The following PPP4R4 variants were observed in gnomAD, a reference collection of about 807,000 sequenced individuals.
PPP4R4 encodes the protein serine/threonine-protein phosphatase 4 regulatory subunit 4.
In PPP4R4, 70 loss-of-function variants were observed where a neutral mutation model predicts 121.8. The observed-to-expected ratio is 0.57, with a 90% CI of 0.47 to 0.70. The LOEUF (loss-of-function observed/expected upper bound fraction) is 0.70, where lower values mean the gene tolerates loss of function less well. Among genes scored for constraint, PPP4R4 ranks in the 30% least tolerant of loss-of-function variants. The probability of loss-of-function intolerance (pLI) is 0.00; values close to 1 mark genes in which losing one functional copy is unlikely to be tolerated. For synonymous variants in PPP4R4, 348 were observed against 355.7 expected, an observed-to-expected ratio of 0.98 and a Z score of 0.24; for missense variants, 875 against 1,033.6, an observed-to-expected ratio of 0.85 and a Z score of 2.10.
At chr14:94,248,238 C>G (rs1892995059) in intron 14 of PPP4R4, among the ~76,000 whole-genome samples, 1 of 152,066 alleles carries the variant, frequency 6.6e-6, no homozygotes, top group Admixed American at 6.5e-5. Flanking sequence ...AACCAGTGTA[C>G]AAAAATCAGT....
At chr14:94,204,023 C>CA (rs1890331928) in intron 2 of PPP4R4, among the ~76,000 whole-genome samples, 1 of 152,088 alleles carries the variant, frequency 6.6e-6, no homozygotes, top group Non-Finnish European at 1.5e-5. Context: ...TTTCACAATG[C>CA]AAAAGTTTTA....
Position 94,228,932 on chromosome 14 carries a change from G to A in PPP4R4, c.295-1655G>A, listed in dbSNP as rs1460448855. 2.0e-5 allele frequency among the ~76,000 whole-genome samples: 3 copies of A among 152,256 alleles called. No homozygotes were observed. In the East Asian group the frequency reaches 5.8e-4, roughly 29 times the overall value. On this transcript the variant is annotated intron_variant, in intron 3 of 24. Coordinates refer to ENST00000304338, the MANE Select transcript of PPP4R4 (RefSeq NM_058237.2). Reference sequence around the variant, plus strand: ...CTTTCAGCTCGAAGTAGGGTCATCAGGGAAGGCCTCATTGACAAGGTGGTA... The same window carrying A: ...CTTTCAGCTCGAAGTAGGGTCATCAAGGAAGGCCTCATTGACAAGGTGGTA...
chr14:94,236,399 A>T (rs1278954368), intron 7 of PPP4R4, among the ~76,000 whole-genome samples: 2 of 152,202 alleles, frequency 1.3e-5, no homozygotes, highest in Admixed American at 6.5e-5. Flanking sequence ...TTTATATGAA[A>T]TAAATTTTTA....
At chr14:94,216,798 A>G (rs1467850933) in intron 3 of PPP4R4, among the ~76,000 whole-genome samples, 1 of 152,172 alleles carries the variant, frequency 6.6e-6, no homozygotes, top group Non-Finnish European at 1.5e-5. Flanking sequence ...TGCTTCTGGA[A>G]GAGAGGTAGA....
chr14:94,189,039 A>G (rs1421269554), intron 2 of PPP4R4, among the ~76,000 whole-genome samples: 1 of 152,190 alleles, frequency 6.6e-6, no homozygotes, highest in Admixed American at 6.5e-5. Context: ...TTACCATAAG[A>G]GAAATCAGGG....
At chr14:94,258,254 C>T (rs1382693295) in intron 17 of PPP4R4, among the ~76,000 whole-genome samples, 4 of 152,066 alleles carry the variant, frequency 2.6e-5, no homozygotes, top group South Asian at 2.1e-4. Context: ...AGACAGAACC[C>T]TGGGTTAGAT....
intron 2 of PPP4R4, among the ~76,000 whole-genome samples, chr14:94,188,515 T>G (rs1277617762): frequency 1.3e-5 from 2 of 152,148 alleles, no homozygotes; most frequent in Non-Finnish European, 2.9e-5. Context: ...ATGGACCTAG[T>G]CTTTGGACAA....
At chr14:94,197,236 G>C (rs986908196) in intron 2 of PPP4R4, among the ~76,000 whole-genome samples, 1 of 152,118 alleles carries the variant, frequency 6.6e-6, no homozygotes, top group Non-Finnish European at 1.5e-5. Context: ...ATGGGGATAA[G>C]ACTGCTTGGT....
chr14:94,247,338 T>G (rs956580847), intron 14 of PPP4R4, among the ~76,000 whole-genome samples: 1 of 152,250 alleles, frequency 6.6e-6, no homozygotes, highest in Admixed American at 6.5e-5. Context: ...TAGTGCAAGC[T>G]GGGTGGGCCC....
intron 16 of PPP4R4, among the ~76,000 whole-genome samples, chr14:94,252,200 A>G (rs1893223386): frequency 6.6e-6 from 1 of 152,148 alleles, no homozygotes; most frequent in African/African-American, 2.4e-5. Flanking sequence ...AGATGTTATT[A>G]ATTTATCTAC....
chr14:94,278,590 T>A, intron 24 of PPP4R4, 29 bp from the exon 25 acceptor site: 1 of 1,492,704 alleles, frequency 6.7e-7, no homozygotes, highest in Non-Finnish European at 9.3e-7. Context: ...CCACCCTCCC[T>A]CTCTTCCTTC....
rs1210300982 is a variant in PPP4R4 at position 94,272,563 on chromosome 14, A to G, written c.2450-2811A>G. Among the ~76,000 whole-genome samples the G allele has an allele frequency of 2.7e-5, 4 of 149,866 alleles. No homozygotes were observed. In the East Asian group the frequency reaches 8.5e-4, roughly 32 times the overall value. On this transcript the variant is annotated intron_variant, in intron 23 of 24. Coordinates refer to ENST00000304338, the MANE Select transcript of PPP4R4 (RefSeq NM_058237.2). ...AACTATAAAATTCCTAGAAGTTAAC[A>G]TAGGAGAAAATCTAGATGACCCTGC...
At chr14:94,175,365 A>G (rs1888621818) in intron 1 of PPP4R4, 1 of 147,010 alleles carries the variant, frequency 6.8e-6, no homozygotes, top group Non-Finnish European at 1.5e-5. Flanking sequence ...CAGCTCCCCA[A>G]TCCCCTTGAG....
intron 11 of PPP4R4, among the ~76,000 whole-genome samples, chr14:94,243,704 C>T (rs988593082): frequency 6.6e-6 from 1 of 151,838 alleles, no homozygotes; most frequent in African/African-American, 2.4e-5. Flanking sequence ...TTTCCATATT[C>T]TACCACAATC....
chr14:94,230,699 A>C lies in PPP4R4; in HGVS notation c.407A>C (p.Gln136Pro). ...SIHAYTHSFL[Q>P]VILLHLEHRD... ...CATGCATATACCCACTCATTCCTCC[A>C]AGTCATTCTCCTGCATCTGGAGCAC... The change falls in exon 4 of 25, where the codon CAA becomes CCA. Residue 136 changes from glutamine (Q) to proline (P), a missense_variant. Transcript: ENST00000304338. 2 of 1,613,698 alleles carry C rather than the reference A, an allele frequency of 1.2e-6. No individual in the cohort carries two copies. Among genetic ancestry groups the C allele is most frequent in the East Asian group, 4.5e-5 (2 of 44,888 alleles).
At position 94,235,388 on chromosome 14, in the gene PPP4R4, C is replaced by CTTTTTTTTTTTTTT. The variant is rs34881107; in HGVS notation, c.731+735_731+748dup. Among the ~76,000 whole-genome samples, 14 of 50,806 alleles carry CTTTTTTTTTTTTTT rather than the reference C, an allele frequency of 2.8e-4. 1 individual carries two copies. Among genetic ancestry groups the CTTTTTTTTTTTTTT allele is most frequent in the African/African-American group, 1.2e-3 (13 of 10,872 alleles). 33.3% of individuals were successfully genotyped at this position (50,806 alleles called of 152,430 possible). A position where few individuals can be genotyped will look rare whatever the true frequency, so the allele number is the denominator to read the frequency against. On this transcript the variant is annotated intron_variant, in intron 7 of 24. Coordinates refer to ENST00000304338, the MANE Select transcript of PPP4R4 (RefSeq NM_058237.2). ...TGTTTGTTTTGTTGCTCTCCTTGTT[C>CTTTTTTTTTTTTTT]TTTTTTTTTTTTTTTTTTTTTTTTT...
chr14:94,223,431 C>A (rs1003859214), intron 3 of PPP4R4, among the ~76,000 whole-genome samples: 6 of 152,284 alleles, frequency 3.9e-5, no homozygotes, highest in African/African-American at 1.4e-4. Context: ...TCCTCCCCTG[C>A]AAAGGACAGT....
At chr14:94,250,986 T>C (rs1327848591) in intron 15 of PPP4R4, among the ~76,000 whole-genome samples, 1 of 152,002 alleles carries the variant, frequency 6.6e-6, no homozygotes, top group Non-Finnish European at 1.5e-5. Context: ...TTTCAAAAAA[T>C]TAGAGTACTT....
chr14:94,222,124 C>T (rs1361716581), intron 3 of PPP4R4, among the ~76,000 whole-genome samples: 1 of 151,954 alleles, frequency 6.6e-6, no homozygotes, highest in African/African-American at 2.4e-5. Flanking sequence ...TCCAATCTCA[C>T]ACTGTATTTT....
Sources: gnomAD v4.1 joint callset for allele counts (sites outside exome capture counted in the v4.1 genomes callset) on GRCh38, gnomAD v4.1.1 for gene constraint, MANE v1.5 for transcripts, NCBI Gene and HGNC (gene_info 2026-07-23, HGNC 2026-07-21) for gene names.